The following PLA2G5 variants were observed in gnomAD, a reference collection of about 807,000 sequenced individuals.
PLA2G5 encodes the protein Ca2+-dependent phospholipase A2.
In PLA2G5, 12 loss-of-function variants were observed where a neutral mutation model predicts 15.9. The observed-to-expected ratio is 0.76, with a 90% CI of 0.48 to 1.23. PLA2G5 has a LOEUF of 1.23. PLA2G5 is among the 50% of genes most tolerant of loss of function. The pLI is 0.00. For missense variants in PLA2G5, 169 were observed against 177.1 expected (o/e 0.95, Z 0.26); for synonymous variants, 71 against 71.4 (o/e 0.99, Z 0.03).
intron 2 of PLA2G5, among the ~76,000 whole-genome samples, chr1:20,062,623 G>A (rs2014790763): frequency 6.6e-6 from 1 of 152,104 alleles, no homozygotes; most frequent in Non-Finnish European, 1.5e-5. Flanking sequence ...GGGAAACCTC[G>A]TTAAGTATTA....
chr1:20,062,724 G>A (rs2100479567), intron 2 of PLA2G5, among the ~76,000 whole-genome samples: 1 of 152,334 alleles, frequency 6.6e-6, no homozygotes, highest in East Asian at 1.9e-4. Context: ...ATGTAGCACA[G>A]GGCCTGTGGA....
intron 3 of PLA2G5, among the ~76,000 whole-genome samples, 188 bp from the exon 4 acceptor site, chr1:20,089,601 G>C (rs747546492): frequency 6.6e-6 from 1 of 152,180 alleles, no homozygotes; most frequent in Non-Finnish European, 1.5e-5. Flanking sequence ...GAAAAAGAGG[G>C]TCCATGACCT....
At chr1:20,039,511 CTT>C (rs1553171153) in intron 1 of PLA2G5, among the ~76,000 whole-genome samples, 1 of 152,164 alleles carries the variant, frequency 6.6e-6, no homozygotes, top group Non-Finnish European at 1.5e-5. Context: ...GTCAGTAAAA[CTT>C]TACAAATTGC....
chr1:20,069,311 C>A (rs2015214176), upstream of PLA2G5, among the ~76,000 whole-genome samples: 1 of 152,212 alleles, frequency 6.6e-6, no homozygotes, highest in South Asian at 2.1e-4. Flanking sequence ...ATAGGCAAAT[C>A]CAAATTGGTG....
At chr1:20,087,355 A>T (rs1365209151) in intron 3 of PLA2G5, among the ~76,000 whole-genome samples, 1 of 152,118 alleles carries the variant, frequency 6.6e-6, no homozygotes, top group Admixed American at 6.5e-5. Flanking sequence ...CTAGTCCCTG[A>T]TATAAAATGG....
chr1:20,088,081 G>T (rs1189188474), intron 3 of PLA2G5, among the ~76,000 whole-genome samples: 1 of 152,246 alleles, frequency 6.6e-6, no homozygotes, highest in Admixed American at 6.5e-5. Context: ...CCATGGGCCG[G>T]GCGCGGTGGC....
At chr1:20,038,682 G>T (rs1557723861) in intron 1 of PLA2G5, among the ~76,000 whole-genome samples, 1 of 152,188 alleles carries the variant, frequency 6.6e-6, no homozygotes, top group Non-Finnish European at 1.5e-5. Flanking sequence ...AGGAGACTGA[G>T]GGAGGAGGAT....
At chr1:20,081,464 G>A (rs774184046) in intron 1 of PLA2G5, among the ~76,000 whole-genome samples, 20 of 151,928 alleles carry the variant, frequency 1.3e-4, no homozygotes, top group Middle Eastern at 3.2e-3. Flanking sequence ...CCAGGGCCAC[G>A]CAGGAAGTGC....
At position 20,034,076 on chromosome 1, in the gene PLA2G5, G is replaced by A. The variant is rs114430675; in HGVS notation, n.276+5367G>A. On this transcript the variant is annotated intron_variant and non_coding_transcript_variant, in intron 1 of 6. Transcript: ENST00000460175. ...CTGGGTTTGGGCTACCTGAGCCTTT[G>A]TGGGTGAGACCTGATATCCTCAACT... Among the ~76,000 whole-genome samples, 203 of 152,262 alleles carry A rather than the reference G, an allele frequency of 1.3e-3. 2 individuals carry two copies. Among genetic ancestry groups the A allele is most frequent in the African/African-American group, 4.5e-3 (188 of 41,548 alleles).
intron 1 of PLA2G5, among the ~76,000 whole-genome samples, chr1:20,042,829 A>G (rs1291316127): frequency 3.3e-5 from 5 of 152,118 alleles, no homozygotes; most frequent in Non-Finnish European, 5.9e-5. Flanking sequence ...TGAGATAGGT[A>G]ATGGATGAGG....
chr1:20,032,851 C>CAAA lies in PLA2G5; in HGVS notation n.276+4142_276+4143insAAA, dbSNP rs1298524393. On this transcript the variant is annotated intron_variant and non_coding_transcript_variant, in intron 1 of 6. Coordinates refer to the PLA2G5 transcript ENST00000460175. ...GTTTTAAGGGGTGCCTGCCAGGCTG[C>CAAA]TGAATTTGCTAAGAAGTTTTCATTG... is the stretch of plus-strand genomic sequence containing the variant. Among the ~76,000 whole-genome samples the CAAA allele has an allele frequency of 3.9e-5, 6 of 152,060 alleles. No individual in the cohort carries two copies. In the East Asian group the frequency reaches 5.8e-4, roughly 15 times the overall value.
intron 1 of PLA2G5, among the ~76,000 whole-genome samples, chr1:20,042,384 G>A (rs1378052241): frequency 1.3e-5 from 2 of 152,146 alleles, no homozygotes; most frequent in East Asian, 3.9e-4. Context: ...TGGGGGTCAG[G>A]TGTGGTATTA....
intron 2 of PLA2G5, among the ~76,000 whole-genome samples, chr1:20,061,406 G>T (rs1182310622): frequency 6.6e-6 from 1 of 151,782 alleles, no homozygotes; most frequent in Non-Finnish European, 1.5e-5. Flanking sequence ...GCAACCTAGG[G>T]AGACCGCATC....
chr1:20,050,242 G>C lies in PLA2G5; in HGVS notation n.277-9390G>C, dbSNP rs12025071. ...CTCCTGGGTCTAAAAAGGACACCAAGTCCTGCTAGATCTTAAACACTGTCA... is the reference window on the plus strand; with the variant it reads ...CTCCTGGGTCTAAAAAGGACACCAACTCCTGCTAGATCTTAAACACTGTCA... On this transcript the variant is annotated intron_variant and non_coding_transcript_variant, in intron 1 of 6. Transcript: ENST00000460175. Among the ~76,000 whole-genome samples the C allele has an allele frequency of 0.021, 3,172 of 152,226 alleles. 253 individuals are homozygous for C. In the East Asian group the frequency reaches 0.25, roughly 12 times the overall value.
At chr1:20,044,368 G>GT (rs1205704442) in intron 1 of PLA2G5, among the ~76,000 whole-genome samples, 1 of 113,718 alleles carries the variant, frequency 8.8e-6, no homozygotes, top group Non-Finnish European at 2.2e-5. Flanking sequence ...AATTCCTGTT[G>GT]TGGGGGGGGT....
intron 1 of PLA2G5, among the ~76,000 whole-genome samples, chr1:20,045,435 G>A (rs1038237212): frequency 3.3e-5 from 5 of 152,060 alleles, no homozygotes; most frequent in Non-Finnish European, 7.4e-5. Flanking sequence ...AAACATGAAG[G>A]GAAGACTGTC....
At chr1:20,053,756 G>A (rs1201762432) in intron 1 of PLA2G5, among the ~76,000 whole-genome samples, 1 of 152,086 alleles carries the variant, frequency 6.6e-6, no homozygotes, top group Non-Finnish European at 1.5e-5. Context: ...GCACCTCTGT[G>A]CAGTACCTCT....
At chr1:20,080,126 A>C (rs2015926496) in intron 1 of PLA2G5, among the ~76,000 whole-genome samples, 1 of 152,080 alleles carries the variant, frequency 6.6e-6, no homozygotes, top group Non-Finnish European at 1.5e-5. Context: ...GCAGGAGCCC[A>C]CGGCTGGGGG....
intron 1 of PLA2G5, among the ~76,000 whole-genome samples, chr1:20,033,023 G>C (rs146797692): frequency 6.0e-4 from 92 of 152,300 alleles, no homozygotes; most frequent in African/African-American, 1.9e-3. Context: ...TTTTCTGCCA[G>C]ATTAAGACCT....
Sources: gnomAD v4.1 joint callset for allele counts (sites outside exome capture counted in the v4.1 genomes callset) on GRCh38, gnomAD v4.1.1 for gene constraint, MANE v1.5 for transcripts, NCBI Gene and HGNC (gene_info 2026-07-23, HGNC 2026-07-21) for gene names.